Variants in KIZ observed in about 807,000 individuals in gnomAD.
The protein encoded by KIZ is kizuna centrosomal protein.
Under a neutral mutation model 79.6 loss-of-function variants are expected in KIZ, and 68 were observed. The ratio of observed to expected loss-of-function variants is 0.85; its 90% CI spans 0.70 to 1.05. The LOEUF (loss-of-function observed/expected upper bound fraction) is 1.05, where lower values mean the gene tolerates loss of function less well. Among genes scored for constraint, KIZ ranks in the 50% least tolerant of loss-of-function variants. The pLI is 0.00. For synonymous variants in KIZ, 280 were observed against 281.8 expected (o/e 0.99, Z 0.06); for missense variants, 797 against 800.4 (o/e 1.00, Z 0.05).
intron 6 of KIZ, among the ~76,000 whole-genome samples, chr20:21,201,038 C>T (rs1026427155): frequency 6.6e-6 from 1 of 151,938 alleles, no homozygotes; most frequent in Non-Finnish European, 1.5e-5. Flanking sequence ...AAAAAATTAG[C>T]AAAGTGTGGT....
At chr20:21,157,081 CACA>C (rs2033421563) in intron 4 of KIZ, among the ~76,000 whole-genome samples, 1 of 151,904 alleles carries the variant, frequency 6.6e-6, no homozygotes, top group Non-Finnish European at 1.5e-5. Flanking sequence ...CAACATAGAC[CACA>C]TCTCTATAAA....
chr20:21,183,613 A>G (rs1600477989), intron 6 of KIZ, among the ~76,000 whole-genome samples: 1 of 152,256 alleles, frequency 6.6e-6, no homozygotes, highest in African/African-American at 2.4e-5. Context: ...GGCCATGCAA[A>G]ATATTTTACA....
chr20:21,135,400 A>G (rs1171607885), intron 2 of KIZ, among the ~76,000 whole-genome samples: 1 of 152,228 alleles, frequency 6.6e-6, no homozygotes, highest in Non-Finnish European at 1.5e-5. Flanking sequence ...CAATAAGACC[A>G]GCCTTCAGTT....
intron 3 of KIZ, among the ~76,000 whole-genome samples, chr20:21,136,885 A>T (rs1395184316): frequency 6.6e-6 from 1 of 152,226 alleles, no homozygotes. Context: ...ATTAAGTATC[A>T]GCTTTTTCTG....
At chr20:21,182,977 G>A (rs192796979) in intron 6 of KIZ, among the ~76,000 whole-genome samples, 1 of 152,238 alleles carries the variant, frequency 6.6e-6, no homozygotes, top group East Asian at 1.9e-4. Context: ...TCTGGAATGA[G>A]GCAAGGGGTT....
intron 6 of KIZ, among the ~76,000 whole-genome samples, chr20:21,179,387 T>G (rs936197729): frequency 1.3e-5 from 2 of 151,970 alleles, no homozygotes; most frequent in South Asian, 4.1e-4. Context: ...TATAGTTTCT[T>G]GTGATCTTTT....
intron 2 of KIZ, among the ~76,000 whole-genome samples, chr20:21,134,515 T>C (rs1298476042): frequency 6.6e-6 from 1 of 152,168 alleles, no homozygotes; most frequent in African/African-American, 2.4e-5. Flanking sequence ...AGCCAATTAT[T>C]ATTTATTACA....
At chr20:21,227,847 A>G (rs996612677) in intron 9 of KIZ, among the ~76,000 whole-genome samples, 1 of 152,192 alleles carries the variant, frequency 6.6e-6, no homozygotes, top group Non-Finnish European at 1.5e-5. Context: ...AGATTTTTCA[A>G]AATACTAGTT....
intron 7 of KIZ, among the ~76,000 whole-genome samples, chr20:21,210,544 G>T (rs188503127): frequency 1.2e-4 from 18 of 152,114 alleles, no homozygotes; most frequent in Non-Finnish European, 1.9e-4. Flanking sequence ...TAGTAAAAAA[G>T]TTTCAAAGAA....
intron 3 of KIZ, among the ~76,000 whole-genome samples, chr20:21,140,208 A>T (rs2032437897): frequency 6.6e-6 from 1 of 152,216 alleles, no homozygotes; most frequent in South Asian, 2.1e-4. Flanking sequence ...TAATGCTGCC[A>T]TCCAGGTATC....
chr20:21,191,864 G>A (rs2035120741), intron 6 of KIZ, among the ~76,000 whole-genome samples: 1 of 151,426 alleles, frequency 6.6e-6, no homozygotes, highest in Non-Finnish European at 1.5e-5. Flanking sequence ...AAAAAAAGCA[G>A]CCCCAAACTC....
intron 1 of KIZ, 105 bp from the exon 2 acceptor site, chr20:21,131,992 A>G (rs921758221): frequency 4.7e-6 from 3 of 634,904 alleles, no homozygotes; most frequent in South Asian, 4.0e-5. Context: ...TTTGACCTCT[A>G]ATCAACACCT....
chr20:21,134,234 A>G (rs1243630130), intron 2 of KIZ, among the ~76,000 whole-genome samples: 4 of 152,170 alleles, frequency 2.6e-5, no homozygotes, highest in Admixed American at 6.5e-5. Context: ...CATTATCACC[A>G]TCTCTCTCCA....
intron 6 of KIZ, among the ~76,000 whole-genome samples, chr20:21,202,890 A>G (rs2035653535): frequency 6.6e-6 from 1 of 152,162 alleles, no homozygotes. Flanking sequence ...CACTACTCAG[A>G]TCCACCAACT....
chr20:21,132,002 T>C (rs556556050), intron 1 of KIZ, 95 bp from the exon 2 acceptor site: 2 of 656,006 alleles, frequency 3.0e-6, no homozygotes, highest in African/African-American at 3.8e-5. Context: ...AATCAACACC[T>C]TGCAACAAAG....
intron 7 of KIZ, among the ~76,000 whole-genome samples, chr20:21,207,834 C>A (rs2035899464): frequency 6.6e-6 from 1 of 152,034 alleles, no homozygotes. Context: ...CCTCAGCCTC[C>A]CAAGTAGCTG....
intron 6 of KIZ, among the ~76,000 whole-genome samples, chr20:21,202,529 C>G (rs1294591616): frequency 6.6e-6 from 1 of 152,214 alleles, no homozygotes; most frequent in Admixed American, 6.5e-5. Flanking sequence ...ATTCCAATGA[C>G]TCATCTCACT....
chr20:21,179,695 GT>G (rs2034573592), intron 6 of KIZ, among the ~76,000 whole-genome samples: 1 of 151,914 alleles, frequency 6.6e-6, no homozygotes, highest in Non-Finnish European at 1.5e-5. Context: ...TTAAATGTAA[GT>G]TTTTACTGCT....
chr20:21,153,019 G>A (rs916052476), intron 4 of KIZ, among the ~76,000 whole-genome samples: 1 of 152,190 alleles, frequency 6.6e-6, no homozygotes, highest in Non-Finnish European at 1.5e-5. Flanking sequence ...TTTGAATATT[G>A]TAGCATAAGA....
Sources: allele counts gnomAD v4.1 joint callset (sites outside exome capture counted in the v4.1 genomes callset), GRCh38; gene constraint gnomAD v4.1.1; transcripts MANE v1.5; gene names NCBI Gene and HGNC (gene_info 2026-07-23, HGNC 2026-07-21).